Variants in AHDC1 observed in about 807,000 individuals in gnomAD.
AHDC1 encodes transcription factor Gibbin.
Under a neutral mutation model 87.9 loss-of-function variants are expected in AHDC1, and 7 were observed. The observed-to-expected ratio is 0.08, with a 90% CI of 0.05 to 0.15. AHDC1 has a LOEUF of 0.15. Ranked by LOEUF, AHDC1 falls within the 10% of genes least tolerant of loss-of-function variation. The pLI, the probability that AHDC1 is intolerant of heterozygous loss-of-function variation, is 1.00. For missense variants in AHDC1, 1,841 were observed against 2,253.2 expected, an observed-to-expected ratio of 0.82 and a Z score of 3.70; for synonymous variants, 1,051 against 1,006.8, an observed-to-expected ratio of 1.04 and a Z score of -0.83.
At chr1:27,575,555 G>T (rs1374632940) in intron 3 of AHDC1, among the ~76,000 whole-genome samples, 1 of 151,622 alleles carries the variant, frequency 6.6e-6, no homozygotes, top group Non-Finnish European at 1.5e-5. Flanking sequence ...TCCCCCGGCC[G>T]GCCGCGCTCT....
intron 3 of AHDC1, among the ~76,000 whole-genome samples, chr1:27,559,412 T>C (rs1371587580): frequency 6.6e-6 from 1 of 152,204 alleles, no homozygotes; most frequent in African/African-American, 2.4e-5. Context: ...TGCACATCTA[T>C]GTACACACAT....
rs1044770204 is a variant in AHDC1 at position 27,558,287 on chromosome 1, G to C, written c.-225+18C>G. On this transcript the variant is annotated intron_variant, in intron 5 of 8. Coordinates refer to ENST00000673934, the MANE Select transcript of AHDC1 (RefSeq NM_001371928.1). The surrounding 1 kb of genome is among the most constrained non-coding windows in gnomAD (Gnocchi z 5.6). ...ACCTTAGCATACCTGGGCTACCCAG[G>C]CCCTCCCAGCACCTCACCTTGGCCT... 1.3e-5 allele frequency: 2 copies of C among 153,058 alleles called. No homozygotes were observed. Among genetic ancestry groups the C allele is most frequent in the Non-Finnish European group, 2.9e-5 (2 of 68,672 alleles). 9.5% of individuals were successfully genotyped at this position (153,058 alleles called of 1,614,324 possible). A position where few individuals can be genotyped will look rare whatever the true frequency, so the allele number is the denominator to read the frequency against.
chr1:27,576,682 C>T (rs1188692456), intron 3 of AHDC1, among the ~76,000 whole-genome samples: 2 of 152,218 alleles, frequency 1.3e-5, no homozygotes, highest in Non-Finnish European at 1.5e-5. Context: ...CTTCCCTCCT[C>T]CCTTTCAGGC....
intron 3 of AHDC1, among the ~76,000 whole-genome samples, chr1:27,592,544 C>G (rs969111859): frequency 6.6e-6 from 1 of 152,170 alleles, no homozygotes; most frequent in Non-Finnish European, 1.5e-5. Flanking sequence ...ACCTCTCAGC[C>G]GCAACCACTT....
At chr1:27,536,145 C>T (rs2018630203) in intron 8 of AHDC1, among the ~76,000 whole-genome samples, 1 of 152,232 alleles carries the variant, frequency 6.6e-6, no homozygotes, top group Non-Finnish European at 1.5e-5. Context: ...AAAGCCTCTC[C>T]TCCCTTGTAC....
chr1:27,575,794 G>C (rs1181852094), intron 3 of AHDC1, among the ~76,000 whole-genome samples: 1 of 151,474 alleles, frequency 6.6e-6, no homozygotes, highest in Non-Finnish European at 1.5e-5. Flanking sequence ...CCGACCGGGG[G>C]CTATTTTGAG....
intron 3 of AHDC1, among the ~76,000 whole-genome samples, chr1:27,599,412 G>C (rs570411197): frequency 3.1e-4 from 47 of 152,212 alleles, no homozygotes; most frequent in African/African-American, 1.1e-3. Context: ...CCTCCCCTGG[G>C]GGGGCTCTGG....
intron 3 of AHDC1, among the ~76,000 whole-genome samples, chr1:27,603,184 C>T (rs2089589292): frequency 6.7e-6 from 1 of 149,978 alleles, no homozygotes; most frequent in Non-Finnish European, 1.5e-5. Context: ...CCTCCCCCTC[C>T]CCCTTCCCGG....
chr1:27,550,496 G>A lies in AHDC1; in HGVS notation c.1620C>T (p.Pro540=), dbSNP rs375899533. 366 of 1,607,306 alleles carry A rather than the reference G, an allele frequency of 2.3e-4. 9 individuals carry two copies. In the South Asian group the frequency reaches 3.4e-3, roughly 15 times the overall value. Residue 540 remains proline (P), a synonymous_variant, in exon 8 of 9, where the codon CCC becomes CCT. Transcript: ENST00000673934. ...GGCCGCGCTTACGTTTGAGAATAAT[G>A]GGCATCTCACCGGGTGGGAAGACCA... ...VVVVFPPGEM[P]IILKRKRGRP...
chr1:27,566,575 T>A (rs912892654), intron 3 of AHDC1, among the ~76,000 whole-genome samples: 1 of 141,490 alleles, frequency 7.1e-6, no homozygotes, highest in African/African-American at 2.7e-5. Context: ...ACAGCGACAG[T>A]CGGAGGGTGA....
Position 27,549,866 on chromosome 1 carries a change from C to T in AHDC1, c.2250G>A (p.Leu750=). 1.9e-6 allele frequency: 3 copies of T among 1,613,454 alleles called. No individual in the cohort carries two copies. The highest frequency in any genetic ancestry group is 2.5e-6 in the Non-Finnish European group (3 of 1,179,638). Residue 750 remains leucine, a synonymous_variant, in exon 8 of 9, where the codon CTG becomes CTA. Transcript: ENST00000673934. ...GGCCACTGGGCACCTGCTCTGGGAA[C>T]AGAGTCCCATTCTTCCGGGACCGTC... ...RKRRSRKNGT[L]FPEQVPSGPG... is the part of the protein sequence containing the mutation.
In AHDC1 at chr1:27,569,781, G is replaced by T. The variant is rs74827619; in HGVS notation, c.-628-10898C>A. Among the ~76,000 whole-genome samples the T allele has an allele frequency of 4.4e-3, 671 of 152,102 alleles. 17 individuals carry two copies. The highest frequency in any genetic ancestry group is 0.033 in the Admixed American group (512 of 15,284). On this transcript the variant is annotated intron_variant, in intron 3 of 8. Transcript: ENST00000673934. ...GACAAAGCACTGCCATATTGGTTGG[G>T]GCGCCTGGCCTGTAGCTCTCTCCCT...
At position 27,549,482 on chromosome 1, in the gene AHDC1, G is replaced by T; in HGVS notation, c.2634C>A (p.Ala878=). ...SGTYAGPPTS[A]LPAQRGLATF... is the part of the protein sequence containing the mutation. ...TGGCCAGGCCCCGCTGGGCAGGCAG[G>T]GCACTGGTGGGTGGCCCTGCATAGG... The change falls in exon 8 of 9, where the codon GCC becomes GCA. Residue 878 remains alanine (A), a synonymous_variant. Coordinates refer to ENST00000673934, the MANE Select transcript of AHDC1 (RefSeq NM_001371928.1). 6.2e-7 allele frequency: 1 copy of T among 1,613,162 alleles called. No homozygotes were observed. The highest frequency in any genetic ancestry group is 1.1e-5 in the South Asian group (1 of 91,082).
chr1:27,594,909 G>A (rs528385126), intron 3 of AHDC1, among the ~76,000 whole-genome samples: 1 of 152,206 alleles, frequency 6.6e-6, no homozygotes, highest in African/African-American at 2.4e-5. Context: ...GTGTACAGGT[G>A]TGGTATCGGG....
rs1489145005 is a variant in AHDC1, at chr1:27,551,409, T to C, written c.707A>G (p.Tyr236Cys). The change falls in exon 8 of 9, where the codon TAC (tyrosine) becomes TGC (cysteine). Residue 236 changes from tyrosine to cysteine, a missense_variant. Tyr to Cys is a radical substitution (Grantham distance 194). Coordinates refer to ENST00000673934, the MANE Select transcript of AHDC1 (RefSeq NM_001371928.1). ...PPEPEPDSTD[Y>C]SELADADILS... The stretch of plus-strand genomic sequence containing the variant: ...GATGTCGGCGTCAGCAAGTTCTGAG[T>C]AATCAGTGCTGTCTGGCTCAGGCTC... 6.2e-7 allele frequency: 1 copy of C among 1,613,422 alleles called. No individual in the cohort carries two copies. Among genetic ancestry groups the C allele is most frequent in the Non-Finnish European group, 8.5e-7 (1 of 1,179,928 alleles).
At chr1:27,544,729 T>C (rs554963142) in intron 8 of AHDC1, among the ~76,000 whole-genome samples, 1 of 152,268 alleles carries the variant, frequency 6.6e-6, no homozygotes, top group Admixed American at 6.5e-5. Context: ...AGCCTGTGGG[T>C]CATCTTAGAT....
chr1:27,603,195 C>A (rs1339824491), intron 3 of AHDC1, among the ~76,000 whole-genome samples: 1 of 147,116 alleles, frequency 6.8e-6, no homozygotes, highest in Non-Finnish European at 1.5e-5. Flanking sequence ...CCCTTCCCGG[C>A]GCTGCCTGCC....
intron 3 of AHDC1, among the ~76,000 whole-genome samples, chr1:27,583,901 T>G (rs2088976542): frequency 6.6e-6 from 1 of 152,214 alleles, no homozygotes; most frequent in African/African-American, 2.4e-5. Flanking sequence ...TTCTGAAGGC[T>G]TCAGCCTCCT....
At chr1:27,591,593 A>G (rs910798274) in intron 3 of AHDC1, among the ~76,000 whole-genome samples, 3 of 152,216 alleles carry the variant, frequency 2.0e-5, no homozygotes, top group African/African-American at 7.2e-5. Flanking sequence ...TGAAGAGTTT[A>G]TGGTGATCAC....
Sources: allele counts gnomAD v4.1 joint callset (sites outside exome capture counted in the v4.1 genomes callset), GRCh38; gene constraint gnomAD v4.1.1; non-coding constraint Gnocchi (gnomAD v3.1); transcripts MANE v1.5; gene names NCBI Gene and HGNC (gene_info 2026-07-23, HGNC 2026-07-21).